Variants in IL1RAPL1 observed in about 807,000 individuals in gnomAD.
IL1RAPL1 encodes the protein interleukin 1 receptor accessory protein like 1.
IL1RAPL1 carries 3 observed loss-of-function variants against 48.4 expected under a neutral mutation model. The observed-to-expected ratio is 0.06, with a 90% confidence interval of 0.03 to 0.16. IL1RAPL1 has a LOEUF of 0.16. Ranked by LOEUF, IL1RAPL1 falls within the 10% of genes least tolerant of loss-of-function variation. The probability of loss-of-function intolerance (pLI) is 1.00; values close to 1 mark genes in which losing one functional copy is unlikely to be tolerated. For synonymous variants in IL1RAPL1, 185 were observed against 187.7 expected (o/e 0.99, Z 0.12); for missense variants, 349 against 530.6 (o/e 0.66, Z 3.36).
At chrX:29,634,957 G>T (rs1458832578) in intron 5 of IL1RAPL1, among the ~76,000 whole-genome samples, 1 of 111,660 alleles carries the variant, frequency 9.0e-6, no homozygotes, top group Non-Finnish European at 1.9e-5. Context: ...ATAACATCCA[G>T]AATGCTATAA....
In IL1RAPL1 at chrX:29,954,658, G is replaced by A. The variant is rs370658670; in HGVS notation, c.1338G>A (p.Leu446=). Residue 446 remains leucine, a synonymous_variant, in exon 10 of 11, where the codon TTG becomes TTA. Transcript: ENST00000378993. ...DMLEKHYGYK[L]FIPDRDLIPT... The stretch of plus-strand genomic sequence containing the variant: ...TTGAAAAGCATTATGGATATAAGTT[G>A]TTTATACCAGATAGAGATTTAATCC... The A allele has an allele frequency of 9.2e-6, 11 of 1,201,015 alleles. No homozygotes were observed. In the African/African-American group the frequency reaches 1.9e-4, roughly 21 times the overall value.
At chrX:29,680,614 G>C (rs1926422393) in intron 6 of IL1RAPL1, among the ~76,000 whole-genome samples, 1 of 111,418 alleles carries the variant, frequency 9.0e-6, no homozygotes, top group Non-Finnish European at 1.9e-5. Context: ...AAAAGCAATG[G>C]TTATTATGGA....
At chrX:29,481,179 A>T (rs775549948) in intron 5 of IL1RAPL1, among the ~76,000 whole-genome samples, 2 of 112,885 alleles carry the variant, frequency 1.8e-5, no homozygotes, top group Admixed American at 9.4e-5. Flanking sequence ...ATAAAATGAT[A>T]GTCATTTGTC....
At chrX:29,630,140 C>T (rs767890682) in intron 5 of IL1RAPL1, among the ~76,000 whole-genome samples, 40 of 111,394 alleles carry the variant, frequency 3.6e-4, no homozygotes, top group Non-Finnish European at 5.7e-4. Flanking sequence ...GGATGTGCTT[C>T]CTCATAGACA....
At chrX:29,067,957 A>G (rs1927484985) in intron 2 of IL1RAPL1, among the ~76,000 whole-genome samples, 1 of 112,146 alleles carries the variant, frequency 8.9e-6, no homozygotes, top group African/African-American at 3.2e-5. Context: ...AATGAGGTAT[A>G]GATTTGGATA....
intron 6 of IL1RAPL1, among the ~76,000 whole-genome samples, chrX:29,742,502 G>A (rs1335785873): frequency 2.4e-4 from 26 of 110,064 alleles, no homozygotes; most frequent in African/African-American, 8.3e-4. Flanking sequence ...CCAATCTGCT[G>A]ACTGTTTTCT....
intron 2 of IL1RAPL1, among the ~76,000 whole-genome samples, chrX:29,056,257 C>G (rs1403811962): frequency 1.8e-5 from 2 of 111,014 alleles, no homozygotes; most frequent in Non-Finnish European, 3.8e-5. Context: ...AAGTTTGTAC[C>G]TGAGGATAAT....
chrX:29,633,042 T>C (rs1022050976), intron 5 of IL1RAPL1, among the ~76,000 whole-genome samples: 1 of 111,603 alleles, frequency 9.0e-6, no homozygotes, highest in Non-Finnish European at 1.9e-5. Context: ...CAGAAACATA[T>C]ACAATATACA....
chrX:29,191,046 A>G (rs1930343186), intron 2 of IL1RAPL1, among the ~76,000 whole-genome samples: 1 of 111,492 alleles, frequency 9.0e-6, no homozygotes, highest in South Asian at 3.7e-4. Flanking sequence ...TGTCTCAAAT[A>G]ATAGATTGTA....
At chrX:28,690,290 C>G (rs1424512805) in intron 1 of IL1RAPL1, among the ~76,000 whole-genome samples, 2 of 111,809 alleles carry the variant, frequency 1.8e-5, no homozygotes, top group African/African-American at 6.5e-5. Context: ...CCTTCTTCGC[C>G]TAAAGATATA....
At chrX:29,324,050 C>A (rs1482860128) in intron 3 of IL1RAPL1, among the ~76,000 whole-genome samples, 1 of 108,207 alleles carries the variant, frequency 9.2e-6, no homozygotes, top group Non-Finnish European at 1.9e-5. Flanking sequence ...TATACACTTT[C>A]ACTCAAAAAA....
chrX:29,047,741 T>TG (rs397896393), intron 2 of IL1RAPL1, among the ~76,000 whole-genome samples: 1 of 109,071 alleles, frequency 9.2e-6, no homozygotes, highest in East Asian at 2.9e-4. Flanking sequence ...TTTTTTTTTT[T>TG]GAGATGGAGT....
chrX:29,025,956 C>G (rs149320300), intron 2 of IL1RAPL1, among the ~76,000 whole-genome samples: 1 of 111,464 alleles, frequency 9.0e-6, no homozygotes. Flanking sequence ...AGACTAAATA[C>G]GTAAATAAAG....
At chrX:28,951,211 A>G (rs1236067830) in intron 2 of IL1RAPL1, among the ~76,000 whole-genome samples, 2 of 105,926 alleles carry the variant, frequency 1.9e-5, no homozygotes, top group Non-Finnish European at 3.9e-5. Context: ...AGCATGGCAC[A>G]TGTATACATA....
intron 1 of IL1RAPL1, among the ~76,000 whole-genome samples, chrX:28,633,234 A>C (rs1465427277): frequency 9.0e-6 from 1 of 111,240 alleles, no homozygotes; most frequent in Non-Finnish European, 1.9e-5. Context: ...GGCAAATAGC[A>C]TTTTGGTATT....
At chrX:29,629,044 G>A (rs1199285960) in intron 5 of IL1RAPL1, among the ~76,000 whole-genome samples, 1 of 111,676 alleles carries the variant, frequency 9.0e-6, no homozygotes, top group Non-Finnish European at 1.9e-5. Context: ...TAAATAATTG[G>A]CACCTTTGAA....
At chrX:29,658,641 G>T (rs1036165122) in intron 5 of IL1RAPL1, among the ~76,000 whole-genome samples, 2 of 111,735 alleles carry the variant, frequency 1.8e-5, no homozygotes, top group African/African-American at 6.5e-5. Flanking sequence ...GGATAAGCAG[G>T]ACCCCGATTG....
At chrX:29,060,811 T>G (rs1310627078) in intron 2 of IL1RAPL1, among the ~76,000 whole-genome samples, 1 of 111,965 alleles carries the variant, frequency 8.9e-6, no homozygotes, top group East Asian at 2.8e-4. Flanking sequence ...TCACTATTTC[T>G]CAATTAAATG....
intron 5 of IL1RAPL1, among the ~76,000 whole-genome samples, chrX:29,633,602 C>T (rs908992341): frequency 9.0e-6 from 1 of 111,708 alleles, no homozygotes; most frequent in East Asian, 2.8e-4. Context: ...CTTGAAACAA[C>T]AGAAATTTAT....
Sources: allele counts gnomAD v4.1 joint callset (sites outside exome capture counted in the v4.1 genomes callset), GRCh38; gene constraint gnomAD v4.1.1; transcripts MANE v1.5; gene names NCBI Gene and HGNC (gene_info 2026-07-23, HGNC 2026-07-21).